CD109: variants seen among roughly 807,000 people sequenced by gnomAD.
The protein encoded by CD109 is CD109 molecule.
Under a neutral mutation model 165.8 loss-of-function variants are expected in CD109, and 149 were observed. That is an observed-to-expected ratio of 0.90 (90% CI 0.79 to 1.03). The LOEUF (loss-of-function observed/expected upper bound fraction) is 1.03. CD109 is among the 50% of genes least tolerant of loss of function. The probability of loss-of-function intolerance (pLI) is 0.00; values close to 1 mark genes in which losing one functional copy is unlikely to be tolerated. For missense variants in CD109, 1,712 were observed against 1,677.8 expected, an observed-to-expected ratio of 1.02 and a Z score of -0.36; for synonymous variants, 585 against 592.1, an observed-to-expected ratio of 0.99 and a Z score of 0.18.
chr6:73,726,104 A>AC (rs1455066174), intron 3 of CD109, among the ~76,000 whole-genome samples: 4 of 151,892 alleles, frequency 2.6e-5, no homozygotes, highest in Non-Finnish European at 5.9e-5. Flanking sequence ...GTGAGAACAT[A>AC]CCTGTGAATA....
At chr6:73,725,507 T>TTC (rs1562031889) in intron 3 of CD109, among the ~76,000 whole-genome samples, 9 of 61,358 alleles carry the variant, frequency 1.5e-4, no homozygotes, top group South Asian at 5.4e-4. Context: ...TACACTTCTT[T>TTC]TTTTTTTTTT....
chr6:73,725,904 A>G (rs1293453461), intron 3 of CD109, among the ~76,000 whole-genome samples: 1 of 152,232 alleles, frequency 6.6e-6, no homozygotes, highest in African/African-American at 2.4e-5. Flanking sequence ...ATTGTATATA[A>G]ATATAGCTAT....
chr6:73,779,563 T>C (rs1030100554), intron 15 of CD109, among the ~76,000 whole-genome samples: 1 of 152,270 alleles, frequency 6.6e-6, no homozygotes, highest in Admixed American at 6.5e-5. Context: ...GCTTCATTTC[T>C]TTTTACGGCT....
At chr6:73,768,654 T>G (rs1368352241) in intron 14 of CD109, among the ~76,000 whole-genome samples, 2 of 152,182 alleles carry the variant, frequency 1.3e-5, no homozygotes, top group Non-Finnish European at 2.9e-5. Flanking sequence ...TTAATCTATT[T>G]AATTAGCTGG....
intron 15 of CD109, among the ~76,000 whole-genome samples, chr6:73,773,159 C>T (rs1774108515): frequency 1.3e-5 from 2 of 150,746 alleles, no homozygotes; most frequent in Non-Finnish European, 3.0e-5. Flanking sequence ...GTGCTGCGCA[C>T]TCTGTCTCTA....
At chr6:73,745,210 T>A (rs1772935618) in intron 5 of CD109, among the ~76,000 whole-genome samples, 1 of 152,068 alleles carries the variant, frequency 6.6e-6, no homozygotes, top group Non-Finnish European at 1.5e-5. Context: ...CAAGTGATTC[T>A]CCTGCCTTAG....
chr6:73,688,239 T>C, the CD109 span, among the ~76,000 whole-genome samples: 1 of 152,218 alleles, frequency 6.6e-6, no homozygotes, highest in Non-Finnish European at 1.5e-5. Flanking sequence ...TTGGCTGTTG[T>C]GCAATAAAAA....
chr6:73,749,847 C>T (rs56008556), intron 5 of CD109, among the ~76,000 whole-genome samples: 3,709 of 152,172 alleles, frequency 0.024, 70 homozygotes, highest in East Asian at 0.043. Context: ...CTTCTTATTG[C>T]TTTAGTAGAA....
chr6:73,828,255 TTTA>T lies in CD109; in HGVS notation c.*4627_*4629del, dbSNP rs1179616422. 1.3e-5 allele frequency: 2 copies of T among 153,810 alleles called. No homozygotes were observed. Among genetic ancestry groups the T allele is most frequent in the Non-Finnish European group, 2.9e-5 (2 of 68,210 alleles). The allele number at this position is 153,810 out of a possible 1,614,324, so 9.5% of individuals were successfully genotyped here. A position where few individuals can be genotyped will look rare whatever the true frequency, so the allele number is the denominator to read the frequency against. Reference sequence around the variant, plus strand: ...AATGTTATGTTATTGTTAATTGTACTTTATTATGTATTCAATAGAAAATCATGA... The same window carrying T: ...AATGTTATGTTATTGTTAATTGTACTTTATGTATTCAATAGAAAATCATGA... On this transcript the variant is annotated 3_prime_UTR_variant, in exon 33 of 33. Coordinates refer to ENST00000287097, the MANE Select transcript of CD109 (RefSeq NM_133493.5).
At chr6:73,738,268 A>G (rs753118700) in intron 5 of CD109, among the ~76,000 whole-genome samples, 21 of 152,172 alleles carry the variant, frequency 1.4e-4, no homozygotes, top group Non-Finnish European at 2.8e-4. Context: ...TCTTCTGCCA[A>G]CCTTTGAGGT....
At chr6:73,753,605 A>G (rs1397567076) in intron 5 of CD109, among the ~76,000 whole-genome samples, 2 of 152,144 alleles carry the variant, frequency 1.3e-5, no homozygotes, top group African/African-American at 4.8e-5. Flanking sequence ...CACTTCCAAA[A>G]TGTTTTCTAG....
At chr6:73,730,309 T>G in intron 3 of CD109, 35 bp from the exon 4 acceptor site, 6 of 1,275,838 alleles carry the variant, frequency 4.7e-6, no homozygotes, top group Non-Finnish European at 5.6e-6. Flanking sequence ...GGTAAAATAA[T>G]GAGACCTTGA....
intron 23 of CD109, 71 bp downstream of exon 23, chr6:73,792,873 A>G (rs1054295244): frequency 1.7e-6 from 2 of 1,158,790 alleles, no homozygotes; most frequent in Non-Finnish European, 1.2e-6. Flanking sequence ...TTCATTCTAG[A>G]CCATATTTCA....
At position 73,736,507 on chromosome 6, in the gene CD109, A is replaced by G; in HGVS notation, c.632A>G (p.Asn211Ser). The G allele has an allele frequency of 6.2e-7, 1 of 1,608,970 alleles. No homozygotes were observed. Among genetic ancestry groups the G allele is most frequent in the Non-Finnish European group, 8.5e-7 (1 of 1,178,032 alleles). Residue 211 changes from asparagine to serine, a missense_variant and splice_region_variant, in exon 5 of 33, where the codon AAT becomes AGT. Coordinates refer to ENST00000287097, the MANE Select transcript of CD109 (RefSeq NM_133493.5). ...LGDWSIQVQV[N>S]DQTYYQSFQV... Reference sequence around the variant, plus strand: ...GACTGGTCTATTCAAGTTCAAGTGAATGTGAGTATAAATATATTTTTTGGG... The same window carrying G: ...GACTGGTCTATTCAAGTTCAAGTGAGTGTGAGTATAAATATATTTTTTGGG...
chr6:73,822,125 C>T (rs375034455), intron 32 of CD109, among the ~76,000 whole-genome samples: 14 of 152,168 alleles, frequency 9.2e-5, no homozygotes, highest in African/African-American at 2.9e-4. Flanking sequence ...AAATTTAGGA[C>T]GTAAAAATAG....
chr6:73,764,026 A>G (rs1313033978), intron 10 of CD109, among the ~76,000 whole-genome samples: 4 of 152,224 alleles, frequency 2.6e-5, no homozygotes, highest in African/African-American at 9.6e-5. Flanking sequence ...TTTTATAATG[A>G]TTAATTGTAG....
At chr6:73,743,995 AAT>A (rs1772885273) in intron 5 of CD109, among the ~76,000 whole-genome samples, 1 of 152,218 alleles carries the variant, frequency 6.6e-6, no homozygotes, top group South Asian at 2.1e-4. Flanking sequence ...ACACCTCTAG[AAT>A]AGCATTTATT....
upstream of CD109, among the ~76,000 whole-genome samples, chr6:73,691,259 C>T (rs1320760714): frequency 2.0e-5 from 3 of 152,232 alleles, no homozygotes; most frequent in Non-Finnish European, 4.4e-5. Flanking sequence ...CTTCCAATGT[C>T]CATCTGATTG....
rs1562070914 is a variant in CD109, at chr6:73,791,158, T to TATATATACACATACAC, written c.2702-1461_2702-1460insCACATACACATATATA. On this transcript the variant is annotated intron_variant, in intron 22 of 32. Transcript: ENST00000287097. ...ATACATATATATATATATATATATA[T>TATATATACACATACAC]ATATATATATATATATATACACACA... Among the ~76,000 whole-genome samples, 117 of 29,252 alleles carry TATATATACACATACAC rather than the reference T, an allele frequency of 4.0e-3. 6 individuals are homozygous for TATATATACACATACAC. The highest frequency in any genetic ancestry group is 0.015 in the African/African-American group (117 of 7,742). 19.2% of individuals were successfully genotyped at this position (29,252 alleles called of 152,430 possible).
Sources: gnomAD v4.1 joint callset for allele counts (sites outside exome capture counted in the v4.1 genomes callset) on GRCh38, gnomAD v4.1.1 for gene constraint, MANE v1.5 for transcripts, NCBI Gene and HGNC (gene_info 2026-07-23, HGNC 2026-07-21) for gene names.